The following ARHGAP15 variants were observed in gnomAD, a reference collection of about 807,000 sequenced individuals.
The protein encoded by ARHGAP15 is rho GTPase-activating protein 15.
In ARHGAP15, 51 loss-of-function variants were observed where a neutral mutation model predicts 63.7. The observed-to-expected ratio is 0.80, with a 90% CI of 0.64 to 1.01. The LOEUF is 1.01. Ranked by LOEUF, ARHGAP15 falls within the 50% of genes least tolerant of loss-of-function variation. The pLI is 0.00. For synonymous variants in ARHGAP15, 191 were observed against 193.8 expected, an observed-to-expected ratio of 0.99 and a Z score of 0.12; for missense variants, 560 against 564.6, an observed-to-expected ratio of 0.99 and a Z score of 0.08.
At chr2:143,136,482 A>C (rs1416552393) in intron 1 of ARHGAP15, among the ~76,000 whole-genome samples, 1 of 152,126 alleles carries the variant, frequency 6.6e-6, no homozygotes, top group South Asian at 2.1e-4. Flanking sequence ...GAAGCATATG[A>C]AACAATGTTG....
At chr2:143,653,460 A>T (rs1263436606) in intron 12 of ARHGAP15, among the ~76,000 whole-genome samples, 1 of 152,128 alleles carries the variant, frequency 6.6e-6, no homozygotes, top group Non-Finnish European at 1.5e-5. Flanking sequence ...TAGACACAGG[A>T]ACATTCCTAA....
intron 12 of ARHGAP15, among the ~76,000 whole-genome samples, chr2:143,692,957 G>A (rs1683677782): frequency 6.6e-6 from 1 of 152,120 alleles, no homozygotes; most frequent in Non-Finnish European, 1.5e-5. Flanking sequence ...GGAGTCATTT[G>A]AGAAAAATAT....
At chr2:143,237,611 TAAAC>T (rs1395533648) in intron 5 of ARHGAP15, 1 of 152,166 alleles carries the variant, frequency 6.6e-6, no homozygotes, top group Non-Finnish European at 1.5e-5. Flanking sequence ...ACACCCTACT[TAAAC>T]AAATGCATTG....
chr2:143,527,479 GA>G (rs34254411), intron 10 of ARHGAP15, among the ~76,000 whole-genome samples: 58 of 147,692 alleles, frequency 3.9e-4, no homozygotes, highest in African/African-American at 1.4e-3. Context: ...TTTTGGTTCA[GA>G]AAAAAAAAAT....
intron 5 of ARHGAP15, among the ~76,000 whole-genome samples, chr2:143,233,119 A>C (rs1455035255): frequency 1.3e-5 from 2 of 152,112 alleles, no homozygotes; most frequent in Non-Finnish European, 2.9e-5. Context: ...TTTTAATATC[A>C]CCAGACATTA....
chr2:143,470,293 A>G (rs905426793), intron 8 of ARHGAP15, among the ~76,000 whole-genome samples: 11 of 127,154 alleles, frequency 8.7e-5, no homozygotes, highest in Middle Eastern at 3.8e-3. Flanking sequence ...AAGGTTTTGG[A>G]AAAAAAAAAA....
intron 8 of ARHGAP15, among the ~76,000 whole-genome samples, chr2:143,463,127 T>C (rs974274663): frequency 1.3e-5 from 2 of 152,182 alleles, no homozygotes; most frequent in African/African-American, 4.8e-5. Flanking sequence ...GTGTATTTTA[T>C]GTGTGGCCCA....
At chr2:143,620,810 G>T (rs1271062049) in intron 11 of ARHGAP15, among the ~76,000 whole-genome samples, 4 of 152,240 alleles carry the variant, frequency 2.6e-5, no homozygotes, top group African/African-American at 9.6e-5. Flanking sequence ...CCCTGGTACA[G>T]TGTAAGCTCT....
intron 11 of ARHGAP15, among the ~76,000 whole-genome samples, chr2:143,584,818 C>A (rs1035481832): frequency 1.3e-5 from 2 of 152,054 alleles, no homozygotes; most frequent in Admixed American, 1.3e-4. Flanking sequence ...ATTCTCAGTG[C>A]AAGATTTTTG....
chr2:143,231,519 C>T (rs1248581079), intron 5 of ARHGAP15, among the ~76,000 whole-genome samples: 2 of 152,204 alleles, frequency 1.3e-5, no homozygotes, highest in Non-Finnish European at 2.9e-5. Flanking sequence ...AATGTCCATA[C>T]AAAGTTTCCC....
chr2:143,240,060 C>T (rs1195235532), intron 5 of ARHGAP15, among the ~76,000 whole-genome samples: 1 of 144,600 alleles, frequency 6.9e-6, no homozygotes, highest in Non-Finnish European at 1.5e-5. Context: ...CCTGTAAGTC[C>T]AGCTACGTAG....
At chr2:143,366,116 G>A (rs1257698378) in intron 6 of ARHGAP15, among the ~76,000 whole-genome samples, 2 of 152,024 alleles carry the variant, frequency 1.3e-5, no homozygotes, top group African/African-American at 2.4e-5. Context: ...TTCCTTCTCT[G>A]CCTTGGTTAT....
chr2:143,691,945 T>C (rs752008355), intron 12 of ARHGAP15, among the ~76,000 whole-genome samples: 1 of 152,238 alleles, frequency 6.6e-6, no homozygotes, highest in Non-Finnish European at 1.5e-5. Flanking sequence ...TTATTGCCAA[T>C]GCCAGATGAT....
intron 11 of ARHGAP15, among the ~76,000 whole-genome samples, chr2:143,611,426 G>T (rs915419287): frequency 2.6e-5 from 4 of 152,058 alleles, no homozygotes; most frequent in African/African-American, 9.7e-5. Flanking sequence ...TAATTTCTCT[G>T]GTCCTTAGTT....
At chr2:143,544,868 T>C (rs1482198593) in intron 10 of ARHGAP15, among the ~76,000 whole-genome samples, 2 of 152,192 alleles carry the variant, frequency 1.3e-5, no homozygotes, top group African/African-American at 4.8e-5. Context: ...GTATTAGTAA[T>C]ATCCACTACG....
At chr2:143,516,056 G>A (rs1377063507) in intron 9 of ARHGAP15, among the ~76,000 whole-genome samples, 1 of 152,146 alleles carries the variant, frequency 6.6e-6, no homozygotes, top group Non-Finnish European at 1.5e-5. Flanking sequence ...AAGCACTCAA[G>A]GCTGATCTGT....
At chr2:143,572,470 C>T (rs921506911) in intron 11 of ARHGAP15, among the ~76,000 whole-genome samples, 1 of 152,162 alleles carries the variant, frequency 6.6e-6, no homozygotes, top group Admixed American at 6.5e-5. Context: ...TCTCAAGAGT[C>T]CACTCAGACT....
chr2:143,395,336 C>A (rs989108386), intron 6 of ARHGAP15, among the ~76,000 whole-genome samples: 10 of 152,128 alleles, frequency 6.6e-5, no homozygotes, highest in African/African-American at 2.4e-4. Context: ...AATGTTCCAG[C>A]CCCTCTTATA....
At chr2:143,738,656 A>C (rs1685846170) in intron 13 of ARHGAP15, among the ~76,000 whole-genome samples, 1 of 152,242 alleles carries the variant, frequency 6.6e-6, no homozygotes, top group South Asian at 2.1e-4. Flanking sequence ...TTTGGTGAGA[A>C]AAAGATTTGT....
Sources: allele counts gnomAD v4.1 joint callset (sites outside exome capture counted in the v4.1 genomes callset), GRCh38; gene constraint gnomAD v4.1.1; transcripts MANE v1.5; gene names NCBI Gene and HGNC (gene_info 2026-07-23, HGNC 2026-07-21).